Variants in OSBP2 observed in about 807,000 individuals in gnomAD.
OSBP2 encodes the protein oxysterol binding protein 2.
In OSBP2, 66 loss-of-function variants were observed where a neutral mutation model predicts 96.0. The ratio of observed to expected loss-of-function variants is 0.69; its 90% confidence interval spans 0.56 to 0.84. The LOEUF (loss-of-function observed/expected upper bound fraction) is 0.84. Ranked by LOEUF, OSBP2 falls within the 40% of genes least tolerant of loss-of-function variation. OSBP2 has a pLI of 0.00. For missense variants in OSBP2, 1,038 were observed against 1,222.7 expected (o/e 0.85, Z 2.25); for synonymous variants, 525 against 520.9 (o/e 1.01, Z -0.11).
At chr22:30,836,898 A>G (rs2038644230) in intron 2 of OSBP2, among the ~76,000 whole-genome samples, 1 of 152,202 alleles carries the variant, frequency 6.6e-6, no homozygotes, top group Admixed American at 6.5e-5. Flanking sequence ...AGTAGCTGGC[A>G]CATGACAGGT....
At chr22:30,742,936 G>GC (rs1389360442) in intron 2 of OSBP2, among the ~76,000 whole-genome samples, 1 of 152,188 alleles carries the variant, frequency 6.6e-6, no homozygotes, top group African/African-American at 2.4e-5. Flanking sequence ...CAGGGGTTGT[G>GC]CCATGGAATG....
At chr22:30,883,341 C>T (rs560133803) in intron 3 of OSBP2, among the ~76,000 whole-genome samples, 7 of 152,356 alleles carry the variant, frequency 4.6e-5, no homozygotes, top group Admixed American at 4.6e-4. Context: ...ACCCGATTAG[C>T]CCCTTCTCCC....
intron 3 of OSBP2, among the ~76,000 whole-genome samples, chr22:30,878,634 G>C (rs1389060259): frequency 6.6e-6 from 1 of 152,220 alleles, no homozygotes; most frequent in Non-Finnish European, 1.5e-5. Context: ...GCAGAAAGCA[G>C]GGCTGGGCTG....
intron 2 of OSBP2, among the ~76,000 whole-genome samples, chr22:30,759,230 C>T (rs2090178127): frequency 6.6e-6 from 1 of 152,146 alleles, no homozygotes. Flanking sequence ...CACCTGTAAT[C>T]CCAGCTACTC....
At chr22:30,746,389 A>T (rs1443746880) in intron 2 of OSBP2, among the ~76,000 whole-genome samples, 1 of 151,390 alleles carries the variant, frequency 6.6e-6, no homozygotes, top group Non-Finnish European at 1.5e-5. Context: ...TCACCACTGC[A>T]CTTCAGCCTG....
intron 2 of OSBP2, among the ~76,000 whole-genome samples, chr22:30,751,290 CAG>C (rs1317540581): frequency 6.6e-6 from 1 of 151,944 alleles, no homozygotes. Flanking sequence ...ATATTTGGCT[CAG>C]AATAAATCTC....
chr22:30,761,971 A>T (rs1381173037), intron 2 of OSBP2, among the ~76,000 whole-genome samples: 2 of 152,228 alleles, frequency 1.3e-5, no homozygotes, highest in Non-Finnish European at 2.9e-5. Flanking sequence ...TAATACTCCC[A>T]GCAGTTTGGG....
intron 3 of OSBP2, among the ~76,000 whole-genome samples, chr22:30,885,688 A>T (rs1332815083): frequency 1.3e-5 from 2 of 152,202 alleles, no homozygotes; most frequent in Non-Finnish European, 1.5e-5. Context: ...AGGGTAGACA[A>T]GGGCCAGTGA....
intron 2 of OSBP2, among the ~76,000 whole-genome samples, chr22:30,794,262 A>ATTT (rs136291): frequency 5.9e-5 from 8 of 134,902 alleles, no homozygotes; most frequent in Non-Finnish European, 7.9e-5. Context: ...TCCTCTATTC[A>ATTT]TTTTTTTTTT....
intron 12 of OSBP2, among the ~76,000 whole-genome samples, chr22:30,899,746 A>G (rs1440165014): frequency 1.3e-5 from 2 of 152,240 alleles, no homozygotes; most frequent in Non-Finnish European, 2.9e-5. Flanking sequence ...AAACGATATC[A>G]GAAAATCCAA....
At chr22:30,772,490 T>G (rs187705180) in intron 2 of OSBP2, among the ~76,000 whole-genome samples, 2 of 152,196 alleles carry the variant, frequency 1.3e-5, no homozygotes, top group East Asian at 3.9e-4. Context: ...GGCAGCTCTG[T>G]GTCATAGAGA....
intron 3 of OSBP2, among the ~76,000 whole-genome samples, chr22:30,883,333 C>T (rs959399506): frequency 6.6e-6 from 1 of 152,200 alleles, no homozygotes; most frequent in Non-Finnish European, 1.5e-5. Context: ...CTGTACTGAC[C>T]CGATTAGCCC....
At chr22:30,867,089 C>T (rs999092546) in intron 2 of OSBP2, among the ~76,000 whole-genome samples, 10 of 152,102 alleles carry the variant, frequency 6.6e-5, no homozygotes, top group East Asian at 1.9e-4. Flanking sequence ...CTGCCTATGA[C>T]GGGTAGTTCA....
At chr22:30,867,813 C>CATTTGGT (rs1569157339) in intron 2 of OSBP2, among the ~76,000 whole-genome samples, 37 of 152,270 alleles carry the variant, frequency 2.4e-4, no homozygotes, top group African/African-American at 8.9e-4. Flanking sequence ...CTGTACCTCT[C>CATTTGGT]ACCAGCTCTT....
rs146629246 is a variant in OSBP2, at chr22:30,719,289, GTT to G, written c.645-21869_645-21868del. ...CTGTGTGGCAGGACCAGTAGCTCAT[GTT>G]TTGTCTGTTCCCTCCCAGAAGTCCC... On this transcript the variant is annotated intron_variant, in intron 1 of 13. Coordinates refer to ENST00000332585, the MANE Select transcript of OSBP2 (RefSeq NM_030758.4). Among the ~76,000 whole-genome samples the G allele has an allele frequency of 7.8e-4, 119 of 152,226 alleles. 2 individuals are homozygous for G. The East Asian group carries it at 0.013, about 17-fold the overall frequency.
At chr22:30,746,190 G>A (rs1468814474) in intron 2 of OSBP2, among the ~76,000 whole-genome samples, 1 of 152,076 alleles carries the variant, frequency 6.6e-6, no homozygotes, top group Non-Finnish European at 1.5e-5. Flanking sequence ...AGGCCTAGGA[G>A]GGAGGATCAA....
At chr22:30,893,432 G>T (rs2039998218) in intron 9 of OSBP2, 31 bp from the exon 10 acceptor site, 3 of 1,578,992 alleles carry the variant, frequency 1.9e-6, no homozygotes, top group Non-Finnish European at 1.7e-6. Context: ...GCATGGGGGG[G>T]CATGACCTCT....
chr22:30,822,745 C>A (rs963538217), intron 2 of OSBP2: 16 of 1,488,538 alleles, frequency 1.1e-5, no homozygotes, highest in Non-Finnish European at 1.4e-5. Context: ...GGAGGGAGGC[C>A]AGGCTCCCCG....
rs139913401 is a variant in OSBP2 at position 30,870,861 on chromosome 22, C to T, written c.1107+179C>T. 1.1e-4 allele frequency among the ~76,000 whole-genome samples: 16 copies of T among 152,324 alleles called. No individual in the cohort carries two copies. Among genetic ancestry groups the T allele is most frequent in the African/African-American group, 2.2e-4 (9 of 41,584 alleles). ...GAGTTCTTAAATCATCTCCTTCACT[C>T]GGCCGTCGTTGGGCAAGGACATTCT... On this transcript the variant is annotated intron_variant, in intron 3 of 13. Transcript: ENST00000332585. The surrounding 1 kb of genome is among the most constrained non-coding windows in gnomAD (Gnocchi z 4.1).
Sources: allele counts gnomAD v4.1 joint callset (sites outside exome capture counted in the v4.1 genomes callset), GRCh38; gene constraint gnomAD v4.1.1; non-coding constraint Gnocchi (gnomAD v3.1); transcripts MANE v1.5; gene names NCBI Gene and HGNC (gene_info 2026-07-23, HGNC 2026-07-21).